GALNT18: variants seen among roughly 807,000 people sequenced by gnomAD.
GALNT18 encodes the protein GalNAc-transferase 18.
Under a neutral mutation model 69.5 loss-of-function variants are expected in GALNT18, and 44 were observed. That is an observed-to-expected ratio of 0.63 (90% CI 0.50 to 0.81). The LOEUF is 0.81. Ranked by LOEUF, GALNT18 falls within the 40% of genes least tolerant of loss-of-function variation. The probability of loss-of-function intolerance (pLI) is 0.00; values close to 1 mark genes in which losing one functional copy is unlikely to be tolerated. For missense variants in GALNT18, 715 were observed against 810.0 expected (o/e 0.88, Z 1.42); for synonymous variants, 364 against 318.2 (o/e 1.14, Z -1.53).
chr11:11,272,796 G>A (rs1392398609), intron 10 of GALNT18, among the ~76,000 whole-genome samples: 1 of 151,690 alleles, frequency 6.6e-6, no homozygotes, highest in Non-Finnish European at 1.5e-5. Context: ...TCTTCACTTT[G>A]TGCCTTTTCC....
Position 11,584,414 on chromosome 11 carries a change from C to T in GALNT18, c.235+36945G>A, listed in dbSNP as rs115708805. 4.2e-3 allele frequency among the ~76,000 whole-genome samples: 636 copies of T among 152,282 alleles called. 5 individuals are homozygous for T. Among genetic ancestry groups the T allele is most frequent in the African/African-American group, 0.015 (611 of 41,558 alleles). ...GAGCCATCAGGTTACTGTTGGAAAGCTGATGGGAGATGCCGTAAGAGAAAT... is the reference window on the plus strand; with the variant it reads ...GAGCCATCAGGTTACTGTTGGAAAGTTGATGGGAGATGCCGTAAGAGAAAT... On this transcript the variant is annotated intron_variant, in intron 1 of 10. Transcript: ENST00000227756. The surrounding 1 kb of genome is among the most constrained non-coding windows in gnomAD (Gnocchi z 4.1).
intron 10 of GALNT18, among the ~76,000 whole-genome samples, chr11:11,276,669 T>C (rs1382705494): frequency 1.3e-5 from 2 of 152,202 alleles, no homozygotes; most frequent in African/African-American, 2.4e-5. Context: ...GCTCTTATTA[T>C]TTTGAGATAT....
intron 10 of GALNT18, among the ~76,000 whole-genome samples, chr11:11,279,387 A>AC (rs1398902311): frequency 1.3e-5 from 2 of 152,218 alleles, no homozygotes; most frequent in African/African-American, 4.8e-5. Flanking sequence ...AATGGGCAGT[A>AC]CCTACTATAG....
At chr11:11,525,379 GAA>G (rs1857496159) in intron 1 of GALNT18, among the ~76,000 whole-genome samples, 1 of 152,088 alleles carries the variant, frequency 6.6e-6, no homozygotes, top group Non-Finnish European at 1.5e-5. Context: ...ACTGTTAGAT[GAA>G]AACCAGTGCC....
At chr11:11,576,994 T>C (rs1016021427) in intron 1 of GALNT18, among the ~76,000 whole-genome samples, 1 of 152,112 alleles carries the variant, frequency 6.6e-6, no homozygotes, top group Admixed American at 6.5e-5. Context: ...TCAGCAGTTG[T>C]TTAACTCTTT....
chr11:11,570,406 G>A (rs139697513), intron 1 of GALNT18, among the ~76,000 whole-genome samples: 1 of 152,322 alleles, frequency 6.6e-6, no homozygotes, highest in East Asian at 1.9e-4. Flanking sequence ...GCCCTCACAT[G>A]ATCTAGCCTC....
chr11:11,331,456 C>T (rs959284926), intron 8 of GALNT18, among the ~76,000 whole-genome samples: 1 of 152,142 alleles, frequency 6.6e-6, no homozygotes, highest in Admixed American at 6.5e-5. Flanking sequence ...ATAGGGAGCA[C>T]TGAGCCCAAT....
chr11:11,486,748 G>A (rs2133878338), intron 1 of GALNT18, among the ~76,000 whole-genome samples: 1 of 152,336 alleles, frequency 6.6e-6, no homozygotes, highest in South Asian at 2.1e-4. Flanking sequence ...GACCCTCAAA[G>A]CCAAGGTAAA....
rs1480038648 is a variant in GALNT18, at chr11:11,616,206, G to T, written c.235+5153C>A. Reference sequence around the variant, plus strand: ...CCCACAAGATAAAACAAATACCAGGGGTGGGGGAGGATATTAAGTTCTAGA... The same window carrying T: ...CCCACAAGATAAAACAAATACCAGGTGTGGGGGAGGATATTAAGTTCTAGA... On this transcript the variant is annotated intron_variant, in intron 1 of 10. Transcript: ENST00000227756. The surrounding 1 kb of genome is among the most constrained non-coding windows in gnomAD (Gnocchi z 4.4). 6.6e-6 allele frequency among the ~76,000 whole-genome samples: 1 copy of T among 152,090 alleles called. No individual in the cohort carries two copies. The highest frequency in any genetic ancestry group is 2.4e-5 in the African/African-American group (1 of 41,414).
chr11:11,516,554 C>G (rs879812731), intron 1 of GALNT18, among the ~76,000 whole-genome samples: 1 of 152,182 alleles, frequency 6.6e-6, no homozygotes, highest in East Asian at 1.9e-4. Flanking sequence ...TCACTTGAAC[C>G]TGGGAGGCAG....
chr11:11,607,101 T>C (rs1244009660), intron 1 of GALNT18, among the ~76,000 whole-genome samples: 3 of 152,236 alleles, frequency 2.0e-5, no homozygotes, highest in Non-Finnish European at 2.9e-5. Flanking sequence ...GTTTCCACTA[T>C]TGACCAGAGT....
At chr11:11,450,900 A>C (rs193025931) in intron 1 of GALNT18, among the ~76,000 whole-genome samples, 250 of 152,300 alleles carry the variant, frequency 1.6e-3, no homozygotes, top group Non-Finnish European at 2.7e-3. Flanking sequence ...CAGTCCTGGG[A>C]AGGCTCTCCC....
In GALNT18 at chr11:11,284,253, CAA is replaced by C. The variant is rs558208820; in HGVS notation, c.1677+8774_1677+8775del. On this transcript the variant is annotated intron_variant, in intron 10 of 10. Coordinates refer to ENST00000227756, the MANE Select transcript of GALNT18 (RefSeq NM_198516.3). ...CAAGCATCTTTCTGCCTCAGTTTCC[CAA>C]GTGTGTCTGTGGTGCCTACGTGTGG... is the stretch of plus-strand genomic sequence containing the variant. 2.4e-3 allele frequency among the ~76,000 whole-genome samples: 358 copies of C among 152,336 alleles called. 1 individual carries two copies. Among genetic ancestry groups the C allele is most frequent in the African/African-American group, 7.6e-3 (315 of 41,578 alleles).
At chr11:11,363,680 A>G (rs949011423) in intron 6 of GALNT18, among the ~76,000 whole-genome samples, 15 of 152,192 alleles carry the variant, frequency 9.9e-5, no homozygotes, top group Non-Finnish European at 1.6e-4. Context: ...TAATAATAAT[A>G]ACAATAATAA....
intron 3 of GALNT18, among the ~76,000 whole-genome samples, chr11:11,384,582 G>C (rs949915010): frequency 3.3e-5 from 5 of 152,128 alleles, no homozygotes; most frequent in Non-Finnish European, 5.9e-5. Flanking sequence ...TTTTGCAGGG[G>C]AAATACTCAA....
intron 9 of GALNT18, among the ~76,000 whole-genome samples, chr11:11,317,250 A>G (rs887034061): frequency 1.3e-5 from 2 of 152,230 alleles, no homozygotes; most frequent in Admixed American, 1.3e-4. Flanking sequence ...CAACGACAAC[A>G]GAGTGAACTT....
intron 3 of GALNT18, among the ~76,000 whole-genome samples, chr11:11,428,774 A>G (rs1183608661): frequency 6.6e-6 from 1 of 152,246 alleles, no homozygotes; most frequent in Admixed American, 6.5e-5. Context: ...AAAGAGAACT[A>G]GAACACAATA....
chr11:11,519,093 C>G (rs950339120), intron 1 of GALNT18, among the ~76,000 whole-genome samples: 7 of 152,298 alleles, frequency 4.6e-5, no homozygotes, highest in Admixed American at 4.6e-4. Flanking sequence ...TAGACTGTGC[C>G]CTGCATCTGG....
Position 11,444,736 on chromosome 11 carries a change from T to C in GALNT18, c.428+4008A>G, listed in dbSNP as rs374685080. 3.8e-4 allele frequency among the ~76,000 whole-genome samples: 58 copies of C among 152,234 alleles called. No homozygotes were observed. Among genetic ancestry groups the C allele is most frequent in the African/African-American group, 1.4e-3 (57 of 41,524 alleles). On this transcript the variant is annotated intron_variant, in intron 2 of 10. Coordinates refer to ENST00000227756, the MANE Select transcript of GALNT18 (RefSeq NM_198516.3). This position sits in a 1 kb window ranked among gnomAD's most constrained non-coding sequence, Gnocchi z 4.4. ...GATTCTGAACACTCACTTTCTGATCTAGGAATGAAGCCAAGAATAACATCA... is the reference window on the plus strand; with the variant it reads ...GATTCTGAACACTCACTTTCTGATCCAGGAATGAAGCCAAGAATAACATCA...
Sources: gnomAD v4.1 joint callset for allele counts (sites outside exome capture counted in the v4.1 genomes callset) on GRCh38, gnomAD v4.1.1 for gene constraint, Gnocchi (gnomAD v3.1) non-coding constraint, MANE v1.5 for transcripts, NCBI Gene and HGNC (gene_info 2026-07-23, HGNC 2026-07-21) for gene names.